Variants in PNLIPRP1 observed in about 807,000 individuals in gnomAD.
PNLIPRP1 encodes pancreatic lipase related protein 1, also known as inactive pancreatic lipase-related protein 1.
A neutral mutation model predicts 54.6 loss-of-function variants in PNLIPRP1; 57 were observed. That is an observed-to-expected ratio of 1.04 (90% CI 0.84 to 1.30). The LOEUF is 1.30. Among genes scored for constraint, PNLIPRP1 ranks in the 50% most tolerant of loss-of-function variants. The pLI is 0.00. For synonymous variants in PNLIPRP1, 232 were observed against 208.8 expected (o/e 1.11, Z -0.96); for missense variants, 567 against 568.5 (o/e 1.00, Z 0.03).
intron 5 of PNLIPRP1, 150 bp from the exon 6 acceptor site, chr10:116,596,064 G>A: frequency 1.5e-6 from 1 of 659,550 alleles, no homozygotes; most frequent in East Asian, 2.6e-5. Context: ...AGTTAGGAAA[G>A]CTCGGAGGCC....
At chr10:116,605,727 G>A (rs1554865514) in intron 12 of PNLIPRP1, among the ~76,000 whole-genome samples, 174 bp downstream of exon 12, 2 of 152,112 alleles carry the variant, frequency 1.3e-5, no homozygotes, top group African/African-American at 4.8e-5. Context: ...TGTTTCTGTT[G>A]GGTGCACCTT....
At chr10:116,592,069 C>G in intron 3 of PNLIPRP1, 144 bp downstream of exon 3, 1 of 804,516 alleles carries the variant, frequency 1.2e-6, no homozygotes, top group South Asian at 1.7e-5. Flanking sequence ...CTAGCTAGAC[C>G]TAGACAGAGC....
chr10:116,594,331 C>G, intron 4 of PNLIPRP1: 1 of 517,664 alleles, frequency 1.9e-6, no homozygotes, highest in Non-Finnish European at 3.8e-6. Flanking sequence ...TGGGGCATCG[C>G]CAAGAGCCTG....
chr10:116,595,002 T>G, intron 5 of PNLIPRP1, 138 bp downstream of exon 5: 1 of 1,127,064 alleles, frequency 8.9e-7, no homozygotes, highest in Non-Finnish European at 1.2e-6. Context: ...ACTCTGAAAT[T>G]TGCCTTCATA....
chr10:116,594,537 G>T, intron 4 of PNLIPRP1, 193 bp from the exon 5 acceptor site: 1 of 638,672 alleles, frequency 1.6e-6, no homozygotes, highest in Non-Finnish European at 2.7e-6. Context: ...GCTGGAGGGG[G>T]AATCAGTTTG....
rs1847643063 is a variant in PNLIPRP1 at position 116,591,822 on chromosome 10, G to A, written c.101G>A (p.Trp34Ter). The A allele has an allele frequency of 1.2e-6, 2 of 1,614,100 alleles. No individual in the cohort carries two copies. Among genetic ancestry groups the A allele is most frequent in the Non-Finnish European group, 1.7e-6 (2 of 1,180,050 alleles). ...GGGTGCTTTTCTGACACTGAGCCCT[G>A]GGGCGGGACAGCAATCAGGCCCCTG... The part of the protein sequence containing the change: ...DLGCFSDTEP[W>*]GGTAIRPLKI... The change falls in exon 3 of 13, where the codon TGG becomes TAG. Residue 34 changes from tryptophan to a stop codon, truncating the protein, a stop_gained. Transcript: ENST00000358834. LOFTEE classifies it high-confidence loss of function.
chr10:116,594,978 A>G, intron 5 of PNLIPRP1, 114 bp downstream of exon 5: 2 of 1,289,594 alleles, frequency 1.6e-6, no homozygotes, highest in Non-Finnish European at 2.1e-6. Flanking sequence ...TGATATCCAG[A>G]CCTTACTTCT....
At chr10:116,594,886 T>A (rs371649793) in intron 5 of PNLIPRP1, 22 bp downstream of exon 5, 10 of 1,613,030 alleles carry the variant, frequency 6.2e-6, no homozygotes, top group Non-Finnish European at 8.5e-6. Flanking sequence ...GGCTGGCCTA[T>A]GTGAGGAGGG....
At chr10:116,604,276 A>G (rs1027168318) in intron 11 of PNLIPRP1, 138 bp downstream of exon 11, 53 of 543,710 alleles carry the variant, frequency 9.7e-5, no homozygotes, top group Non-Finnish European at 3.3e-5. Context: ...ACAACATTTT[A>G]GTTGATGGAC....
chr10:116,599,958 C>T (rs2133235481), intron 8 of PNLIPRP1, 89 bp from the exon 9 acceptor site: 1 of 816,328 alleles, frequency 1.2e-6, no homozygotes. Context: ...TACGGTCCTA[C>T]TTTGGAACCA....
At chr10:116,596,186 T>C in intron 5 of PNLIPRP1, 28 bp from the exon 6 acceptor site, 1 of 1,466,280 alleles carries the variant, frequency 6.8e-7, no homozygotes. Context: ...GCAAAAAATG[T>C]CCTGAAAATA....
intron 3 of PNLIPRP1, 139 bp from the exon 4 acceptor site, chr10:116,592,277 T>C: frequency 2.2e-6 from 2 of 907,236 alleles, no homozygotes; most frequent in Non-Finnish European, 3.3e-6. Flanking sequence ...AAAAGGGAGA[T>C]CAGGGTGGGC....
intron 11 of PNLIPRP1, 60 bp from the exon 12 acceptor site, chr10:116,605,326 T>G: frequency 2.3e-6 from 2 of 881,100 alleles, no homozygotes; most frequent in Non-Finnish European, 3.4e-6. Context: ...CAGCCTGGCA[T>G]TGTATGGTAA....
intron 5 of PNLIPRP1, chr10:116,595,625 T>C (rs1461429418): frequency 2.0e-5 from 3 of 153,144 alleles, no homozygotes; most frequent in Non-Finnish European, 4.4e-5. Flanking sequence ...AAATACCTCA[T>C]AGCTCTATTT....
At chr10:116,592,256 G>C (rs1386794768) in intron 3 of PNLIPRP1, 160 bp from the exon 4 acceptor site, 1 of 772,112 alleles carries the variant, frequency 1.3e-6, no homozygotes, top group African/African-American at 1.7e-5. Context: ...CACCTGGAGA[G>C]ATGGGGCAAG....
At chr10:116,591,357 G>T (rs1001598230) in intron 2 of PNLIPRP1, among the ~76,000 whole-genome samples, 179 bp downstream of exon 2, 5 of 152,158 alleles carry the variant, frequency 3.3e-5, no homozygotes, top group African/African-American at 1.2e-4. Flanking sequence ...CTGTTTCTGG[G>T]GATCCCCCCA....
At chr10:116,608,805 CGTCCTGTGT>C (rs1220063750) in intron 12 of PNLIPRP1, among the ~76,000 whole-genome samples, 2 of 152,196 alleles carry the variant, frequency 1.3e-5, no homozygotes, top group East Asian at 1.9e-4. Context: ...CGGAGGCCAC[CGTCCTGTGT>C]GACACTCCAG....
intron 12 of PNLIPRP1, among the ~76,000 whole-genome samples, chr10:116,608,018 G>C (rs563325962): frequency 6.6e-6 from 1 of 152,042 alleles, no homozygotes; most frequent in African/African-American, 2.4e-5. Flanking sequence ...ACCACGCCCG[G>C]CTAATTTTTG....
chr10:116,608,120 G>A (rs1287747055), intron 12 of PNLIPRP1, among the ~76,000 whole-genome samples: 3 of 152,180 alleles, frequency 2.0e-5, no homozygotes, highest in Non-Finnish European at 4.4e-5. Context: ...CCTCCCAAAA[G>A]TGTGGGGATT....
Sources: gnomAD v4.1 joint callset for allele counts (sites outside exome capture counted in the v4.1 genomes callset) on GRCh38, gnomAD v4.1.1 for gene constraint, MANE v1.5 for transcripts, NCBI Gene and HGNC (gene_info 2026-07-23, HGNC 2026-07-21) for gene names.